The following NOS1 variants were observed in gnomAD, a reference collection of about 807,000 sequenced individuals.
NOS1 encodes NOS type I.
NOS1 carries 51 observed loss-of-function variants against 164.5 expected under a neutral mutation model. The observed-to-expected ratio is 0.31, with a 90% confidence interval of 0.25 to 0.39. The LOEUF (loss-of-function observed/expected upper bound fraction) is 0.39, where lower values mean the gene tolerates loss of function less well. Ranked by LOEUF, NOS1 falls within the 10% of genes least tolerant of loss-of-function variation. NOS1 has a pLI of 1.00. For synonymous variants in NOS1, 719 were observed against 745.8 expected (o/e 0.96, Z 0.59); for missense variants, 1,362 against 1,885.6 (o/e 0.72, Z 5.14).
chr12:117,278,775 C>A (rs2136007043), intron 8 of NOS1, among the ~76,000 whole-genome samples: 1 of 149,826 alleles, frequency 6.7e-6, no homozygotes, highest in South Asian at 2.1e-4. Flanking sequence ...ATAATATACT[C>A]ATCTTAAAGT....
chr12:117,260,134 C>CAAAAAACA (rs1555252938), intron 14 of NOS1, among the ~76,000 whole-genome samples: 27 of 131,978 alleles, frequency 2.0e-4, no homozygotes, highest in African/African-American at 8.0e-4. Context: ...AAAAAAAAAA[C>CAAAAAACA]AAAAAACAAA....
At chr12:117,218,461 G>A (rs1252887780) in intron 27 of NOS1, among the ~76,000 whole-genome samples, 3 of 151,998 alleles carry the variant, frequency 2.0e-5, no homozygotes, top group Non-Finnish European at 2.9e-5. Context: ...GAAAAGGAGC[G>A]ATGAGGTCAA....
chr12:117,299,441 A>G (rs1873652346), intron 3 of NOS1, among the ~76,000 whole-genome samples: 1 of 151,962 alleles, frequency 6.6e-6, no homozygotes, highest in South Asian at 2.1e-4. Context: ...GATCAAGACC[A>G]TCCTGGCTAA....
Position 117,208,245 on chromosome 12 carries a change from T to C in NOS1, c.*7064A>G. 7.9e-7 allele frequency: 1 copy of C among 1,269,872 alleles called. No individual in the cohort carries two copies. The highest frequency in any genetic ancestry group is 1.3e-5 in the South Asian group (1 of 78,582). 78.7% of individuals were successfully genotyped at this position (1,269,872 alleles called of 1,614,324 possible). On this transcript the variant is annotated 3_prime_UTR_variant, in exon 29 of 29. Transcript: ENST00000317775. The stretch of plus-strand genomic sequence containing the variant: ...ATGAGAACTATACAGAAGAAGAGCA[T>C]GCGACAAACACAGCCTGGACAACCT...
chr12:117,255,368 A>G (rs1450264633), intron 16 of NOS1, among the ~76,000 whole-genome samples: 1 of 152,156 alleles, frequency 6.6e-6, no homozygotes, highest in Non-Finnish European at 1.5e-5. Context: ...CAACACACAA[A>G]TCTAATTACA....
At chr12:117,342,637 T>C (rs1876167276) in intron 1 of NOS1, among the ~76,000 whole-genome samples, 1 of 152,092 alleles carries the variant, frequency 6.6e-6, no homozygotes, top group African/African-American at 2.4e-5. Flanking sequence ...GAAAGGCAAG[T>C]TAACAATTTT....
intron 2 of NOS1, among the ~76,000 whole-genome samples, chr12:117,320,909 C>T (rs907421844): frequency 2.6e-5 from 4 of 152,286 alleles, no homozygotes; most frequent in African/African-American, 4.8e-5. Flanking sequence ...CTTCCTGACC[C>T]CCCTATCTAA....
intron 20 of NOS1, 124 bp downstream of exon 20, chr12:117,242,503 G>T (rs1870263296): frequency 1.3e-6 from 1 of 795,750 alleles, no homozygotes; most frequent in African/African-American, 1.7e-5. Context: ...CAGCAAGGGG[G>T]TCTCTATGGC....
At chr12:117,274,931 A>G (rs1053953201) in intron 9 of NOS1, among the ~76,000 whole-genome samples, 1 of 152,050 alleles carries the variant, frequency 6.6e-6, no homozygotes, top group Admixed American at 6.5e-5. Context: ...TTTTATATAT[A>G]CTGTGTGATA....
rs771855917 is a variant in NOS1, at chr12:117,330,635, C to T, written c.435G>A (p.Gln145=). The change falls in exon 2 of 29, where the codon CAG becomes CAA. Residue 145 remains glutamine (Q), a synonymous_variant. Coordinates refer to ENST00000317775, the MANE Select transcript of NOS1 (RefSeq NM_000620.5). The surrounding 1 kb of genome is among the most constrained non-coding windows in gnomAD (Gnocchi z 4.6). ...CCGAGGCCCCATCCACTGCCAGGGGCTGTTCTTTGCCGGCCGGTGGCTGGT... is the reference window on the plus strand; with the variant it reads ...CCGAGGCCCCATCCACTGCCAGGGGTTGTTCTTTGCCGGCCGGTGGCTGGT... ...LSHQPPAGKE[Q]PLAVDGASGP... 6.2e-7 allele frequency: 1 copy of T among 1,611,898 alleles called. No homozygotes were observed.
At chr12:117,224,351 T>C (rs969133084) in intron 25 of NOS1, among the ~76,000 whole-genome samples, 50 of 152,270 alleles carry the variant, frequency 3.3e-4, no homozygotes, top group African/African-American at 1.2e-3. Flanking sequence ...GGTGGCACGA[T>C]CTCGGCTCAC....
At position 117,213,922 on chromosome 12, in the gene NOS1, C is replaced by T. The variant is rs1014209652; in HGVS notation, c.*1387G>A. The T allele has an allele frequency of 1.0e-5, 10 of 985,252 alleles. No individual in the cohort carries two copies. The highest frequency in any genetic ancestry group is 5.2e-4 in the Middle Eastern group (1 of 1,936). 61.0% of individuals were successfully genotyped at this position (985,252 alleles called of 1,614,324 possible). On this transcript the variant is annotated 3_prime_UTR_variant, in exon 29 of 29. Transcript: ENST00000317775. Reference sequence around the variant, plus strand: ...GTTGCCTCTTAGGGAGGAATTACACCGGCTCCAATTCCTACCGAAGACTTG... The same window carrying T: ...GTTGCCTCTTAGGGAGGAATTACACTGGCTCCAATTCCTACCGAAGACTTG...
chr12:117,272,263 G>T lies in NOS1; in HGVS notation c.1839+122C>A. On this transcript the variant is annotated intron_variant, in intron 10 of 28. Transcript: ENST00000317775. This position sits in a 1 kb window ranked among gnomAD's most constrained non-coding sequence, Gnocchi z 4.3. Reference sequence around the variant, plus strand: ...CATTTCCAGGGGCTTCTCTGGGATTGCAATTCTATTCTAACCCCTTCAAGT... The same window carrying T: ...CATTTCCAGGGGCTTCTCTGGGATTTCAATTCTATTCTAACCCCTTCAAGT... 9.9e-7 allele frequency: 1 copy of T among 1,012,032 alleles called. No homozygotes were observed. Among genetic ancestry groups the T allele is most frequent in the Non-Finnish European group, 1.5e-6 (1 of 661,116 alleles). The allele number at this position is 1,012,032 out of a possible 1,614,324, so 62.7% of individuals were successfully genotyped here. A position where few individuals can be genotyped will look rare whatever the true frequency, so the allele number is the denominator to read the frequency against.
Position 117,243,156 on chromosome 12 carries a change from A to C in NOS1, c.2962+141T>G, listed in dbSNP as rs1870325832. The C allele has an allele frequency of 1.0e-6, 1 of 964,592 alleles. No individual in the cohort carries two copies. 59.8% of individuals were successfully genotyped at this position (964,592 alleles called of 1,614,324 possible). On this transcript the variant is annotated intron_variant, in intron 19 of 28. Coordinates refer to ENST00000317775, the MANE Select transcript of NOS1 (RefSeq NM_000620.5). The surrounding 1 kb of genome is among the most constrained non-coding windows in gnomAD (Gnocchi z 4.3). ...GTTTTACTGAGTGTGGGAGAGCAGC[A>C]AAGTATTCATTTTGGTAGGACTGCA...
At chr12:117,311,678 A>G in intron 2 of NOS1, 86 bp from the exon 3 acceptor site, 1 of 1,444,718 alleles carries the variant, frequency 6.9e-7, no homozygotes, top group Non-Finnish European at 9.4e-7. Flanking sequence ...GAGTCTGTAC[A>G]GAACCTCAGT....
chr12:117,298,279 G>C (rs879656200), intron 3 of NOS1, among the ~76,000 whole-genome samples: 15 of 152,010 alleles, frequency 9.9e-5, no homozygotes, highest in Admixed American at 2.6e-4. Flanking sequence ...TAGGGTACGA[G>C]CTCCTATGAG....
chr12:117,228,494 C>A (rs952273862), intron 22 of NOS1, among the ~76,000 whole-genome samples: 1 of 152,142 alleles, frequency 6.6e-6, no homozygotes, highest in African/African-American at 2.4e-5. Context: ...GGGTCATGTT[C>A]ATGATGGTGA....
intron 4 of NOS1, 111 bp downstream of exon 4, chr12:117,290,187 C>T (rs1872954641): frequency 5.2e-6 from 7 of 1,355,892 alleles, no homozygotes. Context: ...AGGGGTGGTG[C>T]TCAACACCCT....
At chr12:117,242,388 A>T (rs1870252859) in intron 20 of NOS1, among the ~76,000 whole-genome samples, 1 of 152,180 alleles carries the variant, frequency 6.6e-6, no homozygotes, top group South Asian at 2.1e-4. Flanking sequence ...TCACTCAGAA[A>T]ACCTTTTTCT....
Sources: allele counts gnomAD v4.1 joint callset (sites outside exome capture counted in the v4.1 genomes callset), GRCh38; gene constraint gnomAD v4.1.1; non-coding constraint Gnocchi (gnomAD v3.1); transcripts MANE v1.5; gene names NCBI Gene and HGNC (gene_info 2026-07-23, HGNC 2026-07-21).